The following NELL1 variants were observed in gnomAD, a reference collection of about 807,000 sequenced individuals.
The protein encoded by NELL1 is neural EGFL like 1.
NELL1 carries 76 observed loss-of-function variants against 107.4 expected under a neutral mutation model. The ratio of observed to expected loss-of-function variants is 0.71; its 90% CI spans 0.59 to 0.86. The LOEUF (loss-of-function observed/expected upper bound fraction) is 0.86. NELL1 is among the 40% of genes least tolerant of loss of function. The probability of loss-of-function intolerance (pLI) is 0.00; values close to 1 mark genes in which losing one functional copy is unlikely to be tolerated. For missense variants in NELL1, 1,024 were observed against 1,005.5 expected, an observed-to-expected ratio of 1.02 and a Z score of -0.25; for synonymous variants, 353 against 341.2, an observed-to-expected ratio of 1.03 and a Z score of -0.38.
At chr11:21,172,600 C>T (rs1565095457) in intron 13 of NELL1, among the ~76,000 whole-genome samples, 1 of 151,694 alleles carries the variant, frequency 6.6e-6, no homozygotes, top group Admixed American at 6.6e-5. Context: ...ACTACCTTCT[C>T]CGAGGGATTA....
chr11:21,068,573 C>A (rs1432632098), intron 12 of NELL1, among the ~76,000 whole-genome samples: 2 of 152,196 alleles, frequency 1.3e-5, no homozygotes, highest in Non-Finnish European at 2.9e-5. Flanking sequence ...TGCCCTTCAA[C>A]ACACACATAC....
intron 13 of NELL1, among the ~76,000 whole-genome samples, chr11:21,196,883 C>CTTTTTTTTTT (rs200792090): frequency 6.6e-5 from 9 of 136,278 alleles, no homozygotes; most frequent in Non-Finnish European, 7.9e-5. Context: ...CTTTTCTTTT[C>CTTTTTTTTTT]TTTTTTTTTT....
chr11:20,839,727 C>G (rs901324645), intron 3 of NELL1, among the ~76,000 whole-genome samples: 1 of 152,194 alleles, frequency 6.6e-6, no homozygotes, highest in Non-Finnish European at 1.5e-5. Flanking sequence ...GGATTGATCA[C>G]AAGATATCTG....
chr11:21,435,482 G>A (rs918591717), intron 15 of NELL1, among the ~76,000 whole-genome samples: 19 of 121,868 alleles, frequency 1.6e-4, no homozygotes, highest in Admixed American at 7.1e-4. Flanking sequence ...AGCTTTTATC[G>A]TTTTTTGTTT....
intron 12 of NELL1, among the ~76,000 whole-genome samples, chr11:21,012,979 T>TTTTGTTTG (rs58214475): frequency 6.6e-6 from 1 of 151,674 alleles, no homozygotes; most frequent in African/African-American, 2.4e-5. Context: ...CTTGTGGCTG[T>TTTTGTTTG]TTTGTTTGTT....
At position 21,144,583 on chromosome 11, in the gene NELL1, T is replaced by C. The variant is rs1590676774; in HGVS notation, c.1426+30869T>C. ...GTGGCAGTTTTTCCTTTCTACTCTG[T>C]CACTGGGGCCTTATCCCCAGGGAAA... On this transcript the variant is annotated intron_variant, in intron 13 of 19. Transcript: ENST00000357134. Among the ~76,000 whole-genome samples the C allele has an allele frequency of 2.6e-5, 4 of 152,310 alleles. No homozygotes were observed. The East Asian group carries it at 7.7e-4, about 29-fold the overall frequency.
At chr11:21,376,344 G>A (rs192687560) in intron 15 of NELL1, among the ~76,000 whole-genome samples, 3 of 152,096 alleles carry the variant, frequency 2.0e-5, no homozygotes, top group Admixed American at 2.0e-4. Context: ...CTTTATTGAA[G>A]ATCAGATGGC....
At chr11:21,154,492 T>TCTCTG (rs1856188133) in intron 13 of NELL1, among the ~76,000 whole-genome samples, 1 of 152,190 alleles carries the variant, frequency 6.6e-6, no homozygotes, top group African/African-American at 2.4e-5. Flanking sequence ...TGCTAAGTTA[T>TCTCTG]GAGACTCCAG....
intron 13 of NELL1, among the ~76,000 whole-genome samples, chr11:21,213,112 C>T (rs541896458): frequency 8.6e-5 from 13 of 151,830 alleles, no homozygotes; most frequent in African/African-American, 3.1e-4. Flanking sequence ...TATAATTGCT[C>T]CAAAGTAAAA....
intron 15 of NELL1, among the ~76,000 whole-genome samples, chr11:21,471,154 A>G (rs1191284784): frequency 6.6e-6 from 1 of 152,006 alleles, no homozygotes; most frequent in African/African-American, 2.4e-5. Context: ...GTGGTCATAA[A>G]ACGACAAGAA....
chr11:20,758,422 C>T lies in NELL1; in HGVS notation c.185-25258C>T, dbSNP rs59733052. Among the ~76,000 whole-genome samples, 975 of 152,284 alleles carry T rather than the reference C, an allele frequency of 6.4e-3. 7 individuals carry two copies. The highest frequency in any genetic ancestry group is 0.02 in the African/African-American group (834 of 41,554). ...ACTTTTCTCATCTTCCACTACATCA[C>T]GCTCCTGATTCTAAGTTCTTCCTAT... On this transcript the variant is annotated intron_variant, in intron 2 of 19. Transcript: ENST00000357134.
chr11:21,246,854 G>C (rs1161436199), intron 14 of NELL1, among the ~76,000 whole-genome samples: 1 of 152,138 alleles, frequency 6.6e-6, no homozygotes, highest in Non-Finnish European at 1.5e-5. Flanking sequence ...AAGCCAGAGA[G>C]GAGAAATCTC....
intron 17 of NELL1, among the ~76,000 whole-genome samples, chr11:21,569,395 T>G (rs577563845): frequency 6.6e-6 from 1 of 152,066 alleles, no homozygotes; most frequent in African/African-American, 2.4e-5. Context: ...AATGTGATCA[T>G]GCATGTAAAT....
Position 20,755,547 on chromosome 11 carries a change from T to TTATTTTTTA in NELL1, c.185-28132_185-28131insATTTTTTAT, listed in dbSNP as rs1368273376. On this transcript the variant is annotated intron_variant, in intron 2 of 19. Coordinates refer to ENST00000357134, the MANE Select transcript of NELL1 (RefSeq NM_006157.5). ...AGACCTGTGTGGGTTTTTGTTTTTTTTTGTTTTTGTTTTTGTTTTTTTTTT... is the reference window on the plus strand; with the variant it reads ...AGACCTGTGTGGGTTTTTGTTTTTTTTATTTTTTATTGTTTTTGTTTTTGTTTTTTTTTT... 6.8e-4 allele frequency among the ~76,000 whole-genome samples: 26 copies of TTATTTTTTA among 38,044 alleles called. No individual in the cohort carries two copies. The East Asian group carries it at 0.028, about 40-fold the overall frequency. 25.0% of individuals were successfully genotyped at this position (38,044 alleles called of 152,430 possible).
At chr11:21,540,165 A>G (rs1352259310) in intron 16 of NELL1, among the ~76,000 whole-genome samples, 1 of 152,138 alleles carries the variant, frequency 6.6e-6, no homozygotes, top group African/African-American at 2.4e-5. Context: ...TTGAGTATTT[A>G]TCATTTCTAT....
intron 17 of NELL1, among the ~76,000 whole-genome samples, chr11:21,568,802 C>G (rs767291184): frequency 6.6e-6 from 1 of 151,500 alleles, no homozygotes; most frequent in Non-Finnish European, 1.5e-5. Flanking sequence ...GCTATCATCT[C>G]TTATGATAAC....
chr11:20,964,428 A>G (rs1276031169), intron 12 of NELL1, among the ~76,000 whole-genome samples: 1 of 152,198 alleles, frequency 6.6e-6, no homozygotes, highest in Non-Finnish European at 1.5e-5. Flanking sequence ...ACATTAAATG[A>G]TAATACCTTT....
intron 5 of NELL1, among the ~76,000 whole-genome samples, chr11:20,915,651 A>G (rs1490993482): frequency 7.5e-6 from 1 of 133,938 alleles, no homozygotes; most frequent in Non-Finnish European, 1.6e-5. Flanking sequence ...CTTTGGGAGA[A>G]GTTGTAGTGC....
chr11:21,447,368 G>C (rs770352336), intron 15 of NELL1, among the ~76,000 whole-genome samples: 1 of 152,112 alleles, frequency 6.6e-6, no homozygotes, highest in Non-Finnish European at 1.5e-5. Flanking sequence ...CACTATAGCT[G>C]TGTATGTGCT....
Sources: allele counts gnomAD v4.1 joint callset (sites outside exome capture counted in the v4.1 genomes callset), GRCh38; gene constraint gnomAD v4.1.1; transcripts MANE v1.5; gene names NCBI Gene and HGNC (gene_info 2026-07-23, HGNC 2026-07-21).